Variants in NRCAM observed in about 807,000 individuals in gnomAD.
NRCAM encodes neuronal cell adhesion molecule.
Under a neutral mutation model 156.5 loss-of-function variants are expected in NRCAM, and 83 were observed. The observed-to-expected ratio is 0.53, with a 90% CI of 0.44 to 0.64. NRCAM has a LOEUF of 0.64. Among genes scored for constraint, NRCAM ranks in the 30% least tolerant of loss-of-function variants. The pLI, the probability that NRCAM is intolerant of heterozygous loss-of-function variation, is 0.00. For missense variants in NRCAM, 1,417 were observed against 1,597.3 expected (o/e 0.89, Z 1.92); for synonymous variants, 538 against 563.9 (o/e 0.95, Z 0.65).
intron 2 of NRCAM, among the ~76,000 whole-genome samples, chr7:108,336,320 G>A (rs2154259222): frequency 6.6e-6 from 1 of 152,246 alleles, no homozygotes; most frequent in Admixed American, 6.5e-5. Flanking sequence ...CCATTTGTAT[G>A]CACCCAGAAG....
At chr7:108,404,605 C>G (rs1279251281) in intron 1 of NRCAM, among the ~76,000 whole-genome samples, 1 of 152,128 alleles carries the variant, frequency 6.6e-6, no homozygotes, top group Non-Finnish European at 1.5e-5. Context: ...GGCAAAATGA[C>G]CACATAGCAA....
intron 2 of NRCAM, among the ~76,000 whole-genome samples, chr7:108,355,943 A>ATT (rs35999220): frequency 1.3e-4 from 19 of 145,190 alleles, no homozygotes; most frequent in Non-Finnish European, 2.6e-4. Context: ...GTACAGTAAG[A>ATT]TTTTTTTTTT....
intron 28 of NRCAM, among the ~76,000 whole-genome samples, chr7:108,174,239 A>G (rs1009471631): frequency 6.6e-6 from 1 of 152,214 alleles, no homozygotes; most frequent in Admixed American, 6.5e-5. Context: ...ATTACTGAAA[A>G]TGGCTACAGT....
chr7:108,436,603 A>C (rs554990963), intron 1 of NRCAM, among the ~76,000 whole-genome samples: 17 of 152,322 alleles, frequency 1.1e-4, no homozygotes, highest in African/African-American at 4.1e-4. Flanking sequence ...CTGCTTTTGC[A>C]TTTAAAAAAT....
intron 26 of NRCAM, 173 bp from the exon 27 acceptor site, chr7:108,176,779 A>G (rs1006201691): frequency 3.5e-6 from 2 of 568,154 alleles, no homozygotes; most frequent in East Asian, 3.0e-5. Flanking sequence ...CTCCTATGCT[A>G]TGTTCTATCA....
chr7:108,407,947 C>T (rs1790490953), intron 1 of NRCAM, among the ~76,000 whole-genome samples: 1 of 152,176 alleles, frequency 6.6e-6, no homozygotes, highest in African/African-American at 2.4e-5. Flanking sequence ...TTGGGTAGGA[C>T]TCTCCAGGTG....
intron 3 of NRCAM, among the ~76,000 whole-genome samples, chr7:108,301,626 A>G (rs1043658311): frequency 1.3e-5 from 2 of 152,162 alleles, no homozygotes; most frequent in Non-Finnish European, 2.9e-5. Flanking sequence ...TGCTTATCCT[A>G]TGGACATGAG....
rs567387874 is a variant in NRCAM at position 108,324,434 on chromosome 7, T to G, written c.-173-11703A>C. On this transcript the variant is annotated intron_variant, in intron 2 of 32. Coordinates refer to ENST00000379028, the MANE Select transcript of NRCAM (RefSeq NM_001037132.4). The stretch of plus-strand genomic sequence containing the variant: ...GTCAATAATAATGCTTGTCTTCACA[T>G]CAGATAAGCATTTGAACCCTGTTTA... Among the ~76,000 whole-genome samples the G allele has an allele frequency of 6.7e-4, 102 of 152,286 alleles. 1 individual carries two copies. Among genetic ancestry groups the G allele is most frequent in the Middle Eastern group, 3.4e-3 (1 of 294 alleles).
At chr7:108,336,770 T>C (rs1280212835) in intron 2 of NRCAM, among the ~76,000 whole-genome samples, 1 of 152,168 alleles carries the variant, frequency 6.6e-6, no homozygotes, top group Non-Finnish European at 1.5e-5. Context: ...TTAGGTAAAA[T>C]ATAACTTTCA....
At chr7:108,298,796 C>T (rs1268996122) in intron 3 of NRCAM, among the ~76,000 whole-genome samples, 1 of 151,702 alleles carries the variant, frequency 6.6e-6, no homozygotes, top group Non-Finnish European at 1.5e-5. Flanking sequence ...TATTTATCTT[C>T]CAGATTCTTT....
intron 3 of NRCAM, among the ~76,000 whole-genome samples, chr7:108,297,628 A>T (rs888454067): frequency 6.6e-6 from 1 of 152,190 alleles, no homozygotes; most frequent in Non-Finnish European, 1.5e-5. Context: ...TGAACACAAT[A>T]GTCCAAAGTT....
chr7:108,444,031 A>G (rs555068958), intron 1 of NRCAM, among the ~76,000 whole-genome samples: 1 of 152,288 alleles, frequency 6.6e-6, no homozygotes, highest in African/African-American at 2.4e-5. Flanking sequence ...TGGGTTTTGC[A>G]TCTGTAGATT....
At position 108,198,007 on chromosome 7, in the gene NRCAM, C is replaced by T; in HGVS notation, c.1300G>A (p.Ala434Thr). The change falls in exon 14 of 33, where the codon GCC becomes ACC. Residue 434 changes from alanine to threonine, a missense_variant. Ala to Thr is a moderately conservative substitution (Grantham distance 58). Coordinates refer to ENST00000379028, the MANE Select transcript of NRCAM (RefSeq NM_001037132.4). ...AGTAAATATCCATATTCATTAGAGG[C>T]ATTGCACTGATAGACTGCACTTGAT... is the stretch of plus-strand genomic sequence containing the variant. ...ERSSAVYQCNASNEYGYLLAN... is the reference protein window; with the variant it reads ...ERSSAVYQCNTSNEYGYLLAN... The T allele has an allele frequency of 3.1e-6, 5 of 1,589,876 alleles. No individual in the cohort carries two copies. The highest frequency in any genetic ancestry group is 1.3e-5 in the African/African-American group (1 of 74,214).
chr7:108,194,498 T>C (rs1174240974), intron 15 of NRCAM, 70 bp from the exon 16 acceptor site: 2 of 1,070,310 alleles, frequency 1.9e-6, no homozygotes, highest in South Asian at 1.6e-5. Context: ...TAAAATGCCA[T>C]GTTCAAGGTC....
chr7:108,391,606 A>T (rs1384273706), intron 2 of NRCAM, among the ~76,000 whole-genome samples: 1 of 152,010 alleles, frequency 6.6e-6, no homozygotes, highest in Non-Finnish European at 1.5e-5. Flanking sequence ...TGTGAATTTG[A>T]TCCTGTCATT....
At chr7:108,298,724 A>G (rs1442834287) in intron 3 of NRCAM, among the ~76,000 whole-genome samples, 1 of 151,778 alleles carries the variant, frequency 6.6e-6, no homozygotes, top group African/African-American at 2.4e-5. Context: ...AACCTTCCAC[A>G]TGGAATTCTT....
At chr7:108,209,022 C>T (rs191757619) in intron 12 of NRCAM, among the ~76,000 whole-genome samples, 71 of 152,270 alleles carry the variant, frequency 4.7e-4, no homozygotes, top group African/African-American at 1.3e-3. Flanking sequence ...TTTGTGGACA[C>T]GCTAAAACTT....
intron 2 of NRCAM, among the ~76,000 whole-genome samples, chr7:108,362,162 T>C (rs1354271413): frequency 1.3e-5 from 2 of 152,224 alleles, no homozygotes; most frequent in East Asian, 3.9e-4. Context: ...TTCTGTAGAC[T>C]GGAAAGTCCC....
chr7:108,336,513 A>G (rs1306557418), intron 2 of NRCAM, among the ~76,000 whole-genome samples: 1 of 152,230 alleles, frequency 6.6e-6, no homozygotes, highest in Non-Finnish European at 1.5e-5. Flanking sequence ...ATATGTTAAA[A>G]GTTAAAAGGT....
Sources: allele counts gnomAD v4.1 joint callset (sites outside exome capture counted in the v4.1 genomes callset), GRCh38; gene constraint gnomAD v4.1.1; transcripts MANE v1.5; gene names NCBI Gene and HGNC (gene_info 2026-07-23, HGNC 2026-07-21).